The following ITPK1 variants were observed in gnomAD, a reference collection of about 807,000 sequenced individuals.
ITPK1 encodes the protein inositol 1,3,4-trisphosphate 5/6-kinase.
Under a neutral mutation model 45.3 loss-of-function variants are expected in ITPK1, and 21 were observed. That is an observed-to-expected ratio of 0.46 (90% CI 0.33 to 0.67). The LOEUF is 0.67. Ranked by LOEUF, ITPK1 falls within the 30% of genes least tolerant of loss-of-function variation. ITPK1 has a pLI of 0.02. For synonymous variants in ITPK1, 258 were observed against 253.6 expected (o/e 1.02, Z -0.16); for missense variants, 474 against 573.5 (o/e 0.83, Z 1.77).
intron 3 of ITPK1, among the ~76,000 whole-genome samples, chr14:93,056,539 A>C (rs893113721): frequency 2.0e-5 from 3 of 152,194 alleles, no homozygotes; most frequent in African/African-American, 7.2e-5. Flanking sequence ...TGCACCCCCA[A>C]GGGAAGAGGG....
In ITPK1 at chr14:92,958,170, C is replaced by T. The variant is rs1884845017; in HGVS notation, c.670+31G>A. 2 of 1,611,774 alleles carry T rather than the reference C, an allele frequency of 1.2e-6. No individual in the cohort carries two copies. Among genetic ancestry groups the T allele is most frequent in the African/African-American group, 1.3e-5 (1 of 74,866 alleles). ...ATCCCAGCTGGGCCCCTGAGTCTTG[C>T]TCAGCCCAAGATGGTGAGAAGAGCA... On this transcript the variant is annotated intron_variant, in intron 8 of 10. Coordinates refer to ENST00000267615, the MANE Select transcript of ITPK1 (RefSeq NM_014216.6). This position sits in a 1 kb window ranked among gnomAD's most constrained non-coding sequence, Gnocchi z 4.4.
chr14:92,960,514 G>A (rs775041786), intron 7 of ITPK1, among the ~76,000 whole-genome samples: 2 of 152,166 alleles, frequency 1.3e-5, no homozygotes, highest in South Asian at 2.1e-4. Context: ...TGCCAAAGTC[G>A]CACAAATGGC....
At chr14:93,091,889 C>T (rs1022136130) in intron 2 of ITPK1, among the ~76,000 whole-genome samples, 1 of 152,212 alleles carries the variant, frequency 6.6e-6, no homozygotes, top group Non-Finnish European at 1.5e-5. Flanking sequence ...GGCGCCACTC[C>T]TGGGCAGCAC....
At position 92,941,203 on chromosome 14, in the gene ITPK1, C is replaced by T. The variant is rs1056944483; in HGVS notation, c.*358G>A. On this transcript the variant is annotated 3_prime_UTR_variant, in exon 11 of 11. Coordinates refer to ENST00000267615, the MANE Select transcript of ITPK1 (RefSeq NM_014216.6). Reference sequence around the variant, plus strand: ...CCCAAGGGTCCCGGTCCACAGTGGCCATGGAGACCAACAGACAGGGATGTG... The same window carrying T: ...CCCAAGGGTCCCGGTCCACAGTGGCTATGGAGACCAACAGACAGGGATGTG... 2 of 1,269,688 alleles carry T rather than the reference C, an allele frequency of 1.6e-6. No homozygotes were observed. Among genetic ancestry groups the T allele is most frequent in the African/African-American group, 3.1e-5 (2 of 65,288 alleles). 78.7% of individuals were successfully genotyped at this position (1,269,688 alleles called of 1,614,324 possible). A position where few individuals can be genotyped will look rare whatever the true frequency, so the allele number is the denominator to read the frequency against.
rs1892032336 is a variant in ITPK1 at position 93,095,335 on chromosome 14, GAAGTT to G, written c.96-18721_96-18717del. ...TATTTCAACTGACACACCAACCACA[GAAGTT>G]AAGAAGTGCTTTTTTTATCCTACAG... On this transcript the variant is annotated intron_variant, in intron 2 of 10. Coordinates refer to ENST00000267615, the MANE Select transcript of ITPK1 (RefSeq NM_014216.6). Among the ~76,000 whole-genome samples, 3 of 152,370 alleles carry G rather than the reference GAAGTT, an allele frequency of 2.0e-5. 1 individual carries two copies. Among genetic ancestry groups the G allele is most frequent in the East Asian group, 3.8e-4 (2 of 5,196 alleles).
intron 2 of ITPK1, among the ~76,000 whole-genome samples, chr14:93,089,574 C>T (rs1423556745): frequency 1.3e-5 from 2 of 152,080 alleles, no homozygotes; most frequent in Admixed American, 6.5e-5. Flanking sequence ...GTTTTAGGAG[C>T]CCTACCCCAC....
At chr14:93,110,903 C>T (rs1892722167) in intron 2 of ITPK1, among the ~76,000 whole-genome samples, 2 of 152,184 alleles carry the variant, frequency 1.3e-5, no homozygotes, top group South Asian at 4.1e-4. Flanking sequence ...GCGCAAAGGC[C>T]TCAGGAGTGG....
intron 5 of ITPK1, among the ~76,000 whole-genome samples, chr14:92,972,882 C>T (rs922955646): frequency 6.6e-6 from 1 of 152,212 alleles, no homozygotes; most frequent in South Asian, 2.1e-4. Flanking sequence ...TGAGCCACCG[C>T]GCCCAACTCT....
chr14:93,035,973 C>T (rs1160214257), intron 3 of ITPK1, among the ~76,000 whole-genome samples: 4 of 152,236 alleles, frequency 2.6e-5, no homozygotes, highest in African/African-American at 9.6e-5. Flanking sequence ...TCTTCCCAGC[C>T]TGACTCCGGC....
intron 2 of ITPK1, among the ~76,000 whole-genome samples, chr14:93,093,506 C>T (rs778748376): frequency 6.6e-6 from 1 of 152,218 alleles, no homozygotes. Context: ...CTTTCTTCCC[C>T]CCTCAGCCCT....
At position 92,939,616 on chromosome 14, in the gene ITPK1, T is replaced by A; in HGVS notation, c.*1945A>T. ...CCGCCCCCGCCCCACCACGGAGGCC[T>A]ATGGACGCCACCACGACACCACATG... On this transcript the variant is annotated 3_prime_UTR_variant, in exon 11 of 11. Coordinates refer to ENST00000267615, the MANE Select transcript of ITPK1 (RefSeq NM_014216.6). 1.7e-4 allele frequency: 107 copies of A among 629,992 alleles called. No individual in the cohort carries two copies. The highest frequency in any genetic ancestry group is 1.8e-4 in the Non-Finnish European group (92 of 509,908). 39.0% of individuals were successfully genotyped at this position (629,992 alleles called of 1,614,324 possible).
rs1161227186 is a variant in ITPK1 at position 93,115,881 on chromosome 14, G to C, written c.-252C>G. 1 of 145,282 alleles carries C rather than the reference G, an allele frequency of 6.9e-6. No homozygotes were observed. Among genetic ancestry groups the C allele is most frequent in the African/African-American group, 2.5e-5 (1 of 40,584 alleles). The allele number at this position is 145,282 out of a possible 1,614,324, so 9.0% of individuals were successfully genotyped here. ...CGCCGCCCCTGCCCGCCGCCGCCCC[G>C]CGCTGGCCCGGCCGCCCCGCTTGAG... On this transcript the variant is annotated 5_prime_UTR_variant, in exon 1 of 11. Coordinates refer to ENST00000267615, the MANE Select transcript of ITPK1 (RefSeq NM_014216.6).
At position 93,115,243 on chromosome 14, in the gene ITPK1, G is replaced by C. The variant is rs1300912765; in HGVS notation, c.-80C>G. ...CTGGCGGCCGGCGCGCGCCGCGAGC[G>C]AGTGGGCACCTCCTCCCGGCGGCGG... On this transcript the variant is annotated 5_prime_UTR_variant, in exon 2 of 11. Coordinates refer to ENST00000267615, the MANE Select transcript of ITPK1 (RefSeq NM_014216.6). The C allele has an allele frequency of 2.1e-6, 2 of 948,148 alleles. No homozygotes were observed. The highest frequency in any genetic ancestry group is 3.3e-6 in the Non-Finnish European group (2 of 614,832). 58.7% of individuals were successfully genotyped at this position (948,148 alleles called of 1,614,324 possible). A position where few individuals can be genotyped will look rare whatever the true frequency, so the allele number is the denominator to read the frequency against.
At chr14:92,989,336 AAG>A (rs1886660193) in intron 5 of ITPK1, among the ~76,000 whole-genome samples, 1 of 152,144 alleles carries the variant, frequency 6.6e-6, no homozygotes, top group South Asian at 2.1e-4. Flanking sequence ...GGGAACTTCT[AAG>A]AGAAGAAGAA....
In ITPK1 at chr14:92,941,286, G is replaced by A. The variant is rs1176810127; in HGVS notation, c.*275C>T. On this transcript the variant is annotated 3_prime_UTR_variant, in exon 11 of 11. Transcript: ENST00000267615. The stretch of plus-strand genomic sequence containing the variant: ...CCCTCACCTCCCATCCAGACCTAGT[G>A]TTGCAAACACAAGCGTGTGTAAACT... 1 of 1,391,952 alleles carries A rather than the reference G, an allele frequency of 7.2e-7. No homozygotes were observed. The allele number at this position is 1,391,952 out of a possible 1,614,324, so 86.2% of individuals were successfully genotyped here. A position where few individuals can be genotyped will look rare whatever the true frequency, so the allele number is the denominator to read the frequency against.
chr14:92,954,310 G>A (rs1171914462), intron 8 of ITPK1, among the ~76,000 whole-genome samples: 2 of 152,224 alleles, frequency 1.3e-5, no homozygotes, highest in African/African-American at 4.8e-5. Context: ...GTCGGAGGGA[G>A]TAGGAGCAGC....
At chr14:93,053,548 G>A (rs1357936389) in intron 3 of ITPK1, among the ~76,000 whole-genome samples, 1 of 152,220 alleles carries the variant, frequency 6.6e-6, no homozygotes, top group Non-Finnish European at 1.5e-5. Context: ...GCTCTGTATG[G>A]TATGGTAATG....
At chr14:93,088,246 T>C (rs1020741807) in intron 2 of ITPK1, among the ~76,000 whole-genome samples, 1 of 152,010 alleles carries the variant, frequency 6.6e-6, no homozygotes, top group African/African-American at 2.4e-5. Context: ...GGGGCAGGAT[T>C]TGTGAGTGCC....
chr14:92,990,064 C>T (rs369682601), intron 5 of ITPK1, among the ~76,000 whole-genome samples: 1 of 152,198 alleles, frequency 6.6e-6, no homozygotes, highest in East Asian at 1.9e-4. Context: ...CCCTAAAACT[C>T]GTTCTAGCCC....
Sources: allele counts gnomAD v4.1 joint callset (sites outside exome capture counted in the v4.1 genomes callset), GRCh38; gene constraint gnomAD v4.1.1; non-coding constraint Gnocchi (gnomAD v3.1); transcripts MANE v1.5; gene names NCBI Gene and HGNC (gene_info 2026-07-23, HGNC 2026-07-21).